The following WSCD2 variants were observed in gnomAD, a reference collection of about 807,000 sequenced individuals.
WSCD2 encodes the protein sialate:O-sulfotransferase 2.
A neutral mutation model predicts 55.7 loss-of-function variants in WSCD2; 28 were observed. That is an observed-to-expected ratio of 0.50 (90% CI 0.37 to 0.69). The LOEUF (loss-of-function observed/expected upper bound fraction) is 0.69, where lower values mean the gene tolerates loss of function less well. Among genes scored for constraint, WSCD2 ranks in the 30% least tolerant of loss-of-function variants. The pLI, the probability that WSCD2 is intolerant of heterozygous loss-of-function variation, is 0.00. For synonymous variants in WSCD2, 301 were observed against 301.9 expected (o/e 1.00, Z 0.03); for missense variants, 616 against 762.1 (o/e 0.81, Z 2.26).
chr12:108,170,195 AT>A (rs1186693696), intron 1 of WSCD2, among the ~76,000 whole-genome samples: 2 of 151,542 alleles, frequency 1.3e-5, no homozygotes, highest in Admixed American at 6.6e-5. Flanking sequence ...CCTTACCTTT[AT>A]TTTTTTTCTG....
At chr12:108,179,974 C>CA (rs1881457679) in intron 1 of WSCD2, among the ~76,000 whole-genome samples, 1 of 147,606 alleles carries the variant, frequency 6.8e-6, no homozygotes, top group South Asian at 2.1e-4. Flanking sequence ...ACCTGGGAAG[C>CA]AGAGGTTGCA....
At chr12:108,183,651 C>A (rs77346274) in intron 1 of WSCD2, among the ~76,000 whole-genome samples, 4,325 of 152,274 alleles carry the variant, frequency 0.028, 198 homozygotes, top group African/African-American at 0.098. Context: ...GGGCTCTGAG[C>A]ATTCAGAGGA....
At chr12:108,172,590 G>A (rs1880351802) in intron 1 of WSCD2, among the ~76,000 whole-genome samples, 2 of 146,332 alleles carry the variant, frequency 1.4e-5, no homozygotes, top group African/African-American at 4.9e-5. Flanking sequence ...GACACACAGA[G>A]AGAATGCCAC....
rs530921500 is a variant in WSCD2 at position 108,210,808 on chromosome 12, T to C, written c.682+503T>C. 6.6e-6 allele frequency among the ~76,000 whole-genome samples: 1 copy of C among 152,356 alleles called. No homozygotes were observed. The highest frequency in any genetic ancestry group is 2.1e-4 in the South Asian group (1 of 4,832). ...CTGAGTCTCAATGTCATAAAGCTTG[T>C]AAGCAGCAGAGAATTTAAACCGACT... is the stretch of plus-strand genomic sequence containing the variant. On this transcript the variant is annotated intron_variant, in intron 4 of 8. Transcript: ENST00000547525. The surrounding 1 kb of genome is among the most constrained non-coding windows in gnomAD (Gnocchi z 4.3).
intron 1 of WSCD2, among the ~76,000 whole-genome samples, chr12:108,139,968 TC>T (rs1239888507): frequency 2.0e-5 from 3 of 152,008 alleles, no homozygotes; most frequent in Non-Finnish European, 2.9e-5. Context: ...GCGTCACCTT[TC>T]TGTGCCTCAG....
In WSCD2 at chr12:108,210,026, C is replaced by T. The variant is rs1885920738; in HGVS notation, c.498-95C>T. On this transcript the variant is annotated intron_variant, in intron 3 of 8. Coordinates refer to ENST00000547525, the MANE Select transcript of WSCD2 (RefSeq NM_014653.4). The surrounding 1 kb of genome is among the most constrained non-coding windows in gnomAD (Gnocchi z 4.3). The stretch of plus-strand genomic sequence containing the variant: ...ATTTCCCCTGGGATCTCCTGGTCCC[C>T]AGAGCCCTCCCATCCCCCAGGTCTC... 10 of 1,539,576 alleles carry T rather than the reference C, an allele frequency of 6.5e-6. No homozygotes were observed. Among genetic ancestry groups the T allele is most frequent in the Admixed American group, 1.7e-5 (1 of 57,290 alleles).
intron 6 of WSCD2, among the ~76,000 whole-genome samples, chr12:108,228,689 G>C (rs911425377): frequency 6.6e-6 from 1 of 152,234 alleles, no homozygotes; most frequent in African/African-American, 2.4e-5. Flanking sequence ...GAAGGAGTGG[G>C]CACCTTTTTC....
intron 3 of WSCD2, among the ~76,000 whole-genome samples, chr12:108,206,637 T>C (rs1309771267): frequency 6.6e-6 from 1 of 152,246 alleles, no homozygotes; most frequent in Admixed American, 6.5e-5. Context: ...AACTGTGTCA[T>C]ATTGTGTCTA....
At chr12:108,229,873 A>T (rs941733546) in intron 6 of WSCD2, among the ~76,000 whole-genome samples, 1 of 152,100 alleles carries the variant, frequency 6.6e-6, no homozygotes, top group Non-Finnish European at 1.5e-5. Context: ...TGGAAAAAAA[A>T]AAAAAAAAAG....
chr12:108,187,794 AG>A (rs1882692346), intron 1 of WSCD2, among the ~76,000 whole-genome samples: 1 of 152,134 alleles, frequency 6.6e-6, no homozygotes, highest in Non-Finnish European at 1.5e-5. Context: ...AGTCACAGAG[AG>A]GCCCCTTGCT....
chr12:108,130,786 G>A (rs991870597), intron 1 of WSCD2, among the ~76,000 whole-genome samples: 3 of 152,108 alleles, frequency 2.0e-5, no homozygotes, highest in South Asian at 4.1e-4. Flanking sequence ...TTGCAGAAAA[G>A]GGGCTGGAAG....
At chr12:108,150,465 G>A (rs1877863647) in intron 1 of WSCD2, among the ~76,000 whole-genome samples, 1 of 152,156 alleles carries the variant, frequency 6.6e-6, no homozygotes. Context: ...GTCTAGGATG[G>A]GAAGGATGAG....
intron 1 of WSCD2, among the ~76,000 whole-genome samples, chr12:108,180,063 AAAAAGAAAAAG>A (rs1414071478): frequency 1.3e-5 from 2 of 151,532 alleles, no homozygotes; most frequent in South Asian, 4.2e-4. Flanking sequence ...AAAAAAAAAA[AAAAAGAAAAAG>A]AAAAGAAAAG....
intron 5 of WSCD2, among the ~76,000 whole-genome samples, chr12:108,225,717 G>A (rs762755482): frequency 5.9e-5 from 9 of 152,128 alleles, no homozygotes; most frequent in African/African-American, 1.7e-4. Context: ...GTGAACTCCC[G>A]GAGGGTAGGG....
chr12:108,212,418 A>C (rs1886309937), intron 4 of WSCD2, among the ~76,000 whole-genome samples: 1 of 152,178 alleles, frequency 6.6e-6, no homozygotes, highest in African/African-American at 2.4e-5. Context: ...TTAGCCAGAC[A>C]CTAGCCAGAC....
chr12:108,242,364 A>G (rs896786162), intron 8 of WSCD2, among the ~76,000 whole-genome samples: 1 of 152,192 alleles, frequency 6.6e-6, no homozygotes, highest in Non-Finnish European at 1.5e-5. Flanking sequence ...TGAATTATTT[A>G]TTGGTAGAAC....
At chr12:108,170,050 C>G (rs1041215843) in intron 1 of WSCD2, among the ~76,000 whole-genome samples, 1 of 152,162 alleles carries the variant, frequency 6.6e-6, no homozygotes, top group Non-Finnish European at 1.5e-5. Context: ...GAACCTGTGG[C>G]AGGTAGCTTG....
At chr12:108,191,713 G>A (rs1246484319) in intron 1 of WSCD2, among the ~76,000 whole-genome samples, 1 of 152,142 alleles carries the variant, frequency 6.6e-6, no homozygotes, top group Non-Finnish European at 1.5e-5. Context: ...CCTCCATGGG[G>A]CTCAGCTTCC....
chr12:108,197,844 A>G (rs575867354), intron 2 of WSCD2, among the ~76,000 whole-genome samples: 1 of 150,272 alleles, frequency 6.7e-6, no homozygotes, highest in East Asian at 2.0e-4. Context: ...CACTCCCCTC[A>G]CCATGCTCTG....
Sources: gnomAD v4.1 joint callset for allele counts (sites outside exome capture counted in the v4.1 genomes callset) on GRCh38, gnomAD v4.1.1 for gene constraint, Gnocchi (gnomAD v3.1) non-coding constraint, MANE v1.5 for transcripts, NCBI Gene and HGNC (gene_info 2026-07-23, HGNC 2026-07-21) for gene names.